Variants in CTNNA3 observed in about 807,000 individuals in gnomAD.
The protein encoded by CTNNA3 is catenin alpha 3.
A neutral mutation model predicts 95.7 loss-of-function variants in CTNNA3; 76 were observed. The observed-to-expected ratio is 0.79, with a 90% CI of 0.66 to 0.96. CTNNA3 has a LOEUF of 0.96. CTNNA3 is among the 40% of genes least tolerant of loss of function. The pLI, the probability that CTNNA3 is intolerant of heterozygous loss-of-function variation, is 0.00. For missense variants in CTNNA3, 1,191 were observed against 1,089.8 expected, an observed-to-expected ratio of 1.09 and a Z score of -1.31; for synonymous variants, 431 against 374.4, an observed-to-expected ratio of 1.15 and a Z score of -1.74.
intron 7 of CTNNA3, among the ~76,000 whole-genome samples, chr10:67,150,856 G>A (rs1861056405): frequency 1.3e-5 from 2 of 152,058 alleles, no homozygotes; most frequent in African/African-American, 4.8e-5. Flanking sequence ...TTGGTATGAG[G>A]GGAAGAATTT....
chr10:66,189,617 T>TATAC (rs151078010), intron 13 of CTNNA3, among the ~76,000 whole-genome samples: 5 of 140,360 alleles, frequency 3.6e-5, no homozygotes, highest in Admixed American at 7.0e-5. Context: ...TATATATATA[T>TATAC]ACACACATAC....
At chr10:65,937,919 T>A (rs2077368612) in intron 17 of CTNNA3, among the ~76,000 whole-genome samples, 1 of 152,142 alleles carries the variant, frequency 6.6e-6, no homozygotes, top group Non-Finnish European at 1.5e-5. Flanking sequence ...AGAAGAATGC[T>A]ACCTTAATCA....
At chr10:67,639,507 G>T (rs1020563295) in intron 2 of CTNNA3, among the ~76,000 whole-genome samples, 3 of 152,150 alleles carry the variant, frequency 2.0e-5, no homozygotes, top group Admixed American at 1.3e-4. Context: ...CTCATTTTAT[G>T]AGGCCAGCAT....
intron 5 of CTNNA3, among the ~76,000 whole-genome samples, chr10:67,252,801 C>T (rs1866163300): frequency 6.6e-6 from 1 of 152,164 alleles, no homozygotes; most frequent in Non-Finnish European, 1.5e-5. Flanking sequence ...TTTTCTGGTG[C>T]AACATGCTGT....
chr10:66,103,374 A>T (rs1023469330), intron 13 of CTNNA3, 125 bp from the exon 14 acceptor site: 1 of 697,436 alleles, frequency 1.4e-6, no homozygotes, highest in Non-Finnish European at 2.6e-6. Context: ...TTTCACTCCC[A>T]GTTATATACT....
chr10:67,725,986 C>CA (rs1047720573), intron 1 of CTNNA3, among the ~76,000 whole-genome samples: 1 of 131,014 alleles, frequency 7.6e-6, no homozygotes, highest in Non-Finnish European at 1.6e-5. Flanking sequence ...ATACTATATA[C>CA]TATATATTAT....
Position 66,755,359 on chromosome 10 carries a change from T to C in CTNNA3, c.1281+10905A>G, listed in dbSNP as rs988405617. Among the ~76,000 whole-genome samples, 5 of 152,266 alleles carry C rather than the reference T, an allele frequency of 3.3e-5. No individual in the cohort carries two copies. The East Asian group carries it at 5.8e-4, about 18-fold the overall frequency. On this transcript the variant is annotated intron_variant, in intron 9 of 17. Coordinates refer to ENST00000433211, the MANE Select transcript of CTNNA3 (RefSeq NM_013266.4). ...TTTCAGGGAGATAGAAAAAATGTTT[T>C]AAAATTGATTGTAGTGATAGTTGCA...
chr10:67,712,207 T>C (rs1841115251), intron 1 of CTNNA3, among the ~76,000 whole-genome samples: 1 of 152,234 alleles, frequency 6.6e-6, no homozygotes, highest in South Asian at 2.1e-4. Context: ...ACTTGGGTAC[T>C]GTTAAAGGCA....
intron 7 of CTNNA3, among the ~76,000 whole-genome samples, chr10:66,878,061 G>A (rs956698109): frequency 4.6e-5 from 7 of 152,058 alleles, no homozygotes; most frequent in Admixed American, 2.0e-4. Context: ...CTCGGTTTTC[G>A]GAAGTCAGGA....
intron 9 of CTNNA3, among the ~76,000 whole-genome samples, chr10:66,716,674 C>A (rs1378534292): frequency 3.3e-5 from 5 of 152,118 alleles, no homozygotes; most frequent in Non-Finnish European, 7.4e-5. Flanking sequence ...GGGCCCAGGA[C>A]AAAGACCTTT....
intron 15 of CTNNA3, among the ~76,000 whole-genome samples, chr10:66,007,138 T>C (rs1209543253): frequency 2.0e-5 from 3 of 152,186 alleles, no homozygotes; most frequent in Non-Finnish European, 4.4e-5. Flanking sequence ...ACATACTGAG[T>C]TATGCAGCTA....
intron 5 of CTNNA3, among the ~76,000 whole-genome samples, chr10:67,290,594 G>A (rs1315456784): frequency 6.6e-6 from 1 of 152,098 alleles, no homozygotes; most frequent in African/African-American, 2.4e-5. Context: ...GATGCTATAT[G>A]TGTCCCCATT....
intron 11 of CTNNA3, among the ~76,000 whole-genome samples, chr10:66,414,934 A>G (rs1273140419): frequency 6.6e-6 from 1 of 152,128 alleles, no homozygotes; most frequent in Non-Finnish European, 1.5e-5. Context: ...GGGTTTAGAC[A>G]CAAGTGACCA....
intron 7 of CTNNA3, among the ~76,000 whole-genome samples, chr10:67,047,702 A>G (rs1435363095): frequency 6.6e-6 from 1 of 152,198 alleles, no homozygotes; most frequent in Non-Finnish European, 1.5e-5. Context: ...CAGCTTTCAC[A>G]TACTAAAATA....
chr10:66,103,136 C>T lies in CTNNA3; in HGVS notation c.1977+21G>A. On this transcript the variant is annotated intron_variant, in intron 14 of 17. Coordinates refer to ENST00000433211, the MANE Select transcript of CTNNA3 (RefSeq NM_013266.4). The stretch of plus-strand genomic sequence containing the variant: ...TTCAGTGACACAGTACATGGTTCTC[C>T]CACCAGTTGAAGTGACATACCCTAT... 1.9e-6 allele frequency: 3 copies of T among 1,595,514 alleles called. No homozygotes were observed. The South Asian group carries it at 3.3e-5, about 18-fold the overall frequency.
chr10:66,140,125 A>T lies in CTNNA3; in HGVS notation c.1885-36876T>A, dbSNP rs1448461981. Reference sequence around the variant, plus strand: ...TGCACAGAGTAGGGACCAAAATTCTAACTAACTAATCGCCACATAACATGA... The same window carrying T: ...TGCACAGAGTAGGGACCAAAATTCTTACTAACTAATCGCCACATAACATGA... On this transcript the variant is annotated intron_variant, in intron 13 of 17. Transcript: ENST00000433211. 2.0e-5 allele frequency among the ~76,000 whole-genome samples: 3 copies of T among 152,306 alleles called. No homozygotes were observed. In the East Asian group the frequency reaches 5.8e-4, roughly 29 times the overall value.
intron 5 of CTNNA3, among the ~76,000 whole-genome samples, chr10:67,494,767 T>G (rs778923946): frequency 8.5e-5 from 13 of 152,240 alleles, no homozygotes; most frequent in African/African-American, 1.2e-4. Flanking sequence ...CTTCTTGAAC[T>G]GAGAATTACT....
chr10:66,360,822 T>TTTCC (rs2092665040), intron 12 of CTNNA3, among the ~76,000 whole-genome samples: 1 of 62,044 alleles, frequency 1.6e-5, no homozygotes, highest in Non-Finnish European at 2.8e-5. Context: ...CCTTCCTTTC[T>TTTCC]TTCTTTCTTT....
chr10:66,922,612 G>A (rs949725450), intron 7 of CTNNA3, among the ~76,000 whole-genome samples: 1 of 152,120 alleles, frequency 6.6e-6, no homozygotes, highest in Admixed American at 6.5e-5. Context: ...CCAAAGTAGG[G>A]GCCATACACA....
Sources: gnomAD v4.1 joint callset for allele counts (sites outside exome capture counted in the v4.1 genomes callset) on GRCh38, gnomAD v4.1.1 for gene constraint, MANE v1.5 for transcripts, NCBI Gene and HGNC (gene_info 2026-07-23, HGNC 2026-07-21) for gene names.